Variants in PIBF1 observed in about 807,000 individuals in gnomAD.
The protein encoded by PIBF1 is progesterone immunomodulatory binding factor 1.
In PIBF1, 90 loss-of-function variants were observed where a neutral mutation model predicts 112.5. The ratio of observed to expected loss-of-function variants is 0.80; its 90% CI spans 0.67 to 0.95. The LOEUF is 0.95. PIBF1 is among the 40% of genes least tolerant of loss of function. PIBF1 has a pLI of 0.00. For missense variants in PIBF1, 915 were observed against 852.3 expected, an observed-to-expected ratio of 1.07 and a Z score of -0.92; for synonymous variants, 301 against 288.6, an observed-to-expected ratio of 1.04 and a Z score of -0.44.
intron 16 of PIBF1, among the ~76,000 whole-genome samples, chr13:72,979,726 A>T (rs2043109301): frequency 6.6e-6 from 1 of 152,110 alleles, no homozygotes. Context: ...GATCGAGACC[A>T]TCCTGGCTAA....
intron 10 of PIBF1, among the ~76,000 whole-genome samples, chr13:72,869,783 T>C (rs1159592121): frequency 1.3e-5 from 2 of 151,826 alleles, no homozygotes; most frequent in African/African-American, 4.8e-5. Context: ...TAGCTAAAGG[T>C]TGTGGCTACT....
At chr13:72,822,061 C>A in intron 6 of PIBF1, 79 bp downstream of exon 6, 1 of 1,291,762 alleles carries the variant, frequency 7.7e-7, no homozygotes, top group Non-Finnish European at 1.1e-6. Context: ...TACCAACAAT[C>A]AGTTGTTAAT....
intron 10 of PIBF1, among the ~76,000 whole-genome samples, chr13:72,859,341 TTAAACAA>T (rs1308513787): frequency 2.0e-5 from 3 of 152,120 alleles, no homozygotes; most frequent in African/African-American, 7.2e-5. Flanking sequence ...TGACATCCTT[TTAAACAA>T]TATGGGGAAA....
chr13:73,001,426 A>T (rs2043862152), intron 17 of PIBF1, among the ~76,000 whole-genome samples: 1 of 151,988 alleles, frequency 6.6e-6, no homozygotes, highest in Non-Finnish European at 1.5e-5. Flanking sequence ...TGCTATAGGT[A>T]TTTTCCCCTG....
At chr13:72,969,368 A>C (rs1409565703) in intron 15 of PIBF1, among the ~76,000 whole-genome samples, 1 of 152,228 alleles carries the variant, frequency 6.6e-6, no homozygotes, top group Non-Finnish European at 1.5e-5. Flanking sequence ...TGTACTAAAC[A>C]TGAGTCCTTT....
intron 11 of PIBF1, among the ~76,000 whole-genome samples, chr13:72,895,288 T>C (rs549698370): frequency 4.7e-5 from 7 of 150,134 alleles, no homozygotes; most frequent in South Asian, 4.2e-4. Context: ...ATAAAATTCA[T>C]AAATTTTTAA....
chr13:72,994,110 CTCAAAAA>C (rs201215949), intron 16 of PIBF1, among the ~76,000 whole-genome samples: 1,904 of 83,820 alleles, frequency 0.023, 38 homozygotes, highest in African/African-American at 0.085. Flanking sequence ...AAGAACCTGT[CTCAAAAA>C]AAAAAGAAAA....
At chr13:72,785,263 T>C (rs913375359) in intron 2 of PIBF1, among the ~76,000 whole-genome samples, 1 of 152,240 alleles carries the variant, frequency 6.6e-6, no homozygotes, top group Non-Finnish European at 1.5e-5. Flanking sequence ...TTTCATTTTC[T>C]GTGCCTTTTA....
chr13:72,994,342 GAAAAC>G (rs1030364820), intron 16 of PIBF1, among the ~76,000 whole-genome samples: 2 of 152,102 alleles, frequency 1.3e-5, no homozygotes, highest in South Asian at 2.1e-4. Context: ...CTATCAATGA[GAAAAC>G]AAAAGGGCAG....
chr13:72,827,773 A>T lies in PIBF1; in HGVS notation c.956A>T (p.Asp319Val), dbSNP rs1482385912. 1.9e-6 allele frequency: 3 copies of T among 1,599,426 alleles called. No individual in the cohort carries two copies. The African/African-American group carries it at 4.0e-5, about 21-fold the overall frequency. ...CAAACTGTTACTTTACTGCAAAAGG[A>T]TAAAGAATATCTTAATCGCCAAAAC... is the stretch of plus-strand genomic sequence containing the variant. ...LEQTVTLLQK[D>V]KEYLNRQNME... is the part of the protein sequence containing the mutation. The change falls in exon 8 of 18, where the codon GAT becomes GTT. Residue 319 changes from aspartate (D) to valine (V), a missense_variant. Transcript: ENST00000326291.
chr13:72,814,898 G>T (rs2036195108), intron 5 of PIBF1, among the ~76,000 whole-genome samples: 1 of 152,136 alleles, frequency 6.6e-6, no homozygotes, highest in Non-Finnish European at 1.5e-5. Context: ...AGTGAACTGT[G>T]CCAACAAAAT....
intron 5 of PIBF1, among the ~76,000 whole-genome samples, chr13:72,812,388 G>A (rs1211631185): frequency 6.6e-6 from 1 of 152,028 alleles, no homozygotes; most frequent in Non-Finnish European, 1.5e-5. Context: ...GCCCATGTTT[G>A]CATTTAATTT....
intron 10 of PIBF1, among the ~76,000 whole-genome samples, chr13:72,874,965 C>T (rs2039332899): frequency 6.6e-6 from 1 of 152,166 alleles, no homozygotes; most frequent in African/African-American, 2.4e-5. Context: ...TTAGGGTTCA[C>T]TCTTGGTCCG....
intron 11 of PIBF1, among the ~76,000 whole-genome samples, chr13:72,899,359 A>G (rs886352981): frequency 3.9e-5 from 6 of 152,214 alleles, no homozygotes; most frequent in Admixed American, 2.0e-4. Context: ...ATGAACATAA[A>G]TGCTAAAATC....
At chr13:72,850,669 G>T (rs1422575986) in intron 9 of PIBF1, among the ~76,000 whole-genome samples, 1 of 152,178 alleles carries the variant, frequency 6.6e-6, no homozygotes, top group Non-Finnish European at 1.5e-5. Context: ...CTGTATTTGA[G>T]AAATGAACAT....
intron 16 of PIBF1, among the ~76,000 whole-genome samples, chr13:72,979,181 A>G (rs1480691756): frequency 6.6e-6 from 1 of 152,184 alleles, no homozygotes; most frequent in Non-Finnish European, 1.5e-5. Context: ...GGTGACAGCA[A>G]CACTGTCTTT....
intron 5 of PIBF1, among the ~76,000 whole-genome samples, chr13:72,811,345 A>G (rs923411651): frequency 5.3e-5 from 8 of 152,162 alleles, no homozygotes; most frequent in African/African-American, 4.8e-5. Flanking sequence ...ACTCACTGCT[A>G]TAATACCAGC....
At chr13:72,786,410 A>G (rs1005312782) in intron 2 of PIBF1, among the ~76,000 whole-genome samples, 1 of 152,178 alleles carries the variant, frequency 6.6e-6, no homozygotes, top group Admixed American at 6.5e-5. Flanking sequence ...TTTTGTTTAC[A>G]TGTATTCTTG....
At chr13:72,870,305 C>G (rs1285214104) in intron 10 of PIBF1, among the ~76,000 whole-genome samples, 2 of 152,064 alleles carry the variant, frequency 1.3e-5, no homozygotes, top group African/African-American at 4.8e-5. Flanking sequence ...GCCTTGTTTC[C>G]TTTTATTTTA....
Sources: allele counts gnomAD v4.1 joint callset (sites outside exome capture counted in the v4.1 genomes callset), GRCh38; gene constraint gnomAD v4.1.1; transcripts MANE v1.5; gene names NCBI Gene and HGNC (gene_info 2026-07-23, HGNC 2026-07-21).